Variants in SLAIN2 observed in about 807,000 individuals in gnomAD.
SLAIN2 encodes SLAIN family member 2, also known as SLAIN motif-containing protein 2.
Under a neutral mutation model 56.6 loss-of-function variants are expected in SLAIN2, and 31 were observed. The ratio of observed to expected loss-of-function variants is 0.55; its 90% CI spans 0.41 to 0.74. SLAIN2 has a LOEUF of 0.74. SLAIN2 is among the 30% of genes least tolerant of loss of function. The pLI is 0.00. For missense variants in SLAIN2, 777 were observed against 754.2 expected (o/e 1.03, Z -0.35); for synonymous variants, 317 against 284.9 (o/e 1.11, Z -1.13).
At chr4:48,410,604 A>T (rs1185921579) in intron 6 of SLAIN2, among the ~76,000 whole-genome samples, 3 of 152,158 alleles carry the variant, frequency 2.0e-5, no homozygotes, top group Non-Finnish European at 2.9e-5. Flanking sequence ...AGCTTTCTGC[A>T]GCCCTTCCCT....
chr4:48,383,563 AT>A (rs1716025341), intron 5 of SLAIN2, 83 bp from the exon 6 acceptor site: 5 of 1,230,974 alleles, frequency 4.1e-6, no homozygotes, highest in Admixed American at 2.9e-5. Context: ...TTGATAAACA[AT>A]TTGATTTTTG....
At chr4:48,357,386 T>A (rs967907701) in intron 1 of SLAIN2, among the ~76,000 whole-genome samples, 1 of 149,922 alleles carries the variant, frequency 6.7e-6, no homozygotes, top group African/African-American at 2.4e-5. Flanking sequence ...TTTTTTTTTT[T>A]CCTCCTGTTT....
chr4:48,400,904 T>C (rs1009525943), intron 6 of SLAIN2, among the ~76,000 whole-genome samples: 2 of 152,188 alleles, frequency 1.3e-5, no homozygotes, highest in African/African-American at 2.4e-5. Context: ...TTGAGATCTT[T>C]CTAGCTTTGT....
intron 6 of SLAIN2, among the ~76,000 whole-genome samples, chr4:48,386,346 A>G (rs1716099780): frequency 6.6e-6 from 1 of 152,220 alleles, no homozygotes; most frequent in African/African-American, 2.4e-5. Context: ...CTGATTATAC[A>G]GCTTATAAGC....
Position 48,422,346 on chromosome 4 carries a change from A to C in SLAIN2, c.*269A>C, listed in dbSNP as rs1411353872. 3.3e-6 allele frequency: 1 copy of C among 304,870 alleles called. No individual in the cohort carries two copies. Among genetic ancestry groups the C allele is most frequent in the Non-Finnish European group, 6.0e-6 (1 of 165,456 alleles). 18.9% of individuals were successfully genotyped at this position (304,870 alleles called of 1,614,324 possible). The stretch of plus-strand genomic sequence containing the variant: ...TAGAAACTAGGTTGATTTTTAAAAA[A>C]TATTTGACAGAGGCCAATATCTGGG... On this transcript the variant is annotated 3_prime_UTR_variant, in exon 8 of 8. Transcript: ENST00000264313.
At chr4:48,414,670 C>T (rs1716953191) in intron 6 of SLAIN2, among the ~76,000 whole-genome samples, 1 of 125,158 alleles carries the variant, frequency 8.0e-6, no homozygotes, top group Admixed American at 8.2e-5. Flanking sequence ...AATGTGTCAT[C>T]TAGCATTAGG....
At chr4:48,399,655 C>G (rs1463588540) in intron 6 of SLAIN2, among the ~76,000 whole-genome samples, 1 of 152,034 alleles carries the variant, frequency 6.6e-6, no homozygotes, top group Non-Finnish European at 1.5e-5. Context: ...GTATGTGTCT[C>G]TTTTTATTTT....
chr4:48,419,698 G>A (rs183309396), intron 6 of SLAIN2, among the ~76,000 whole-genome samples: 18 of 152,298 alleles, frequency 1.2e-4, no homozygotes, highest in African/African-American at 3.4e-4. Flanking sequence ...AGAGCCTCCA[G>A]ATACTTGATA....
chr4:48,341,980 T>C lies in SLAIN2; in HGVS notation c.241T>C (p.Ser81Pro). 1 of 1,403,258 alleles carries C rather than the reference T, an allele frequency of 7.1e-7. No individual in the cohort carries two copies. Among genetic ancestry groups the C allele is most frequent in the East Asian group, 3.3e-5 (1 of 30,516 alleles). 86.9% of individuals were successfully genotyped at this position (1,403,258 alleles called of 1,614,324 possible). ...LSAKSGGGPGSGPRRTSSEEL... is the reference protein window; with the variant it reads ...LSAKSGGGPGPGPRRTSSEEL... ...CGCCAAGTCGGGCGGCGGGCCCGGG[T>C]CGGGCCCGAGGCGGACGAGTAGCGA... The change falls in exon 1 of 8, where the codon TCG becomes CCG. Residue 81 changes from serine to proline, a missense_variant. Physicochemically the swap from Ser to Pro is moderately conservative, Grantham distance 74. Coordinates refer to ENST00000264313, the MANE Select transcript of SLAIN2 (RefSeq NM_020846.2).
At chr4:48,343,708 T>C (rs1346232196) in intron 1 of SLAIN2, among the ~76,000 whole-genome samples, 1 of 152,172 alleles carries the variant, frequency 6.6e-6, no homozygotes, top group East Asian at 1.9e-4. Context: ...TCTTGACAGC[T>C]ACAAGAGCAG....
rs1714703982 is a variant in SLAIN2, at chr4:48,341,714, G to T, written c.-26G>T. 2.0e-6 allele frequency: 3 copies of T among 1,524,194 alleles called. No homozygotes were observed. 94.4% of individuals were successfully genotyped at this position (1,524,194 alleles called of 1,614,324 possible). ...TCGCTGCGAGAGCGAGCGGGCGGCG[G>T]AGGCGGCGGCGGCGGCGGGGCCGGG... On this transcript the variant is annotated 5_prime_UTR_variant, in exon 1 of 8. Coordinates refer to ENST00000264313, the MANE Select transcript of SLAIN2 (RefSeq NM_020846.2).
intron 1 of SLAIN2, among the ~76,000 whole-genome samples, chr4:48,348,154 C>T (rs1714919145): frequency 1.3e-5 from 2 of 152,070 alleles, no homozygotes; most frequent in South Asian, 2.1e-4. Flanking sequence ...AACTGTTCAT[C>T]GCTAGACTAA....
intron 6 of SLAIN2, among the ~76,000 whole-genome samples, chr4:48,399,564 G>A (rs1447125292): frequency 1.3e-5 from 2 of 152,152 alleles, no homozygotes; most frequent in Non-Finnish European, 2.9e-5. Flanking sequence ...GTGGGAGAGA[G>A]CATCGTGGTC....
chr4:48,344,815 TGGTATGCTTG>T (rs1714819894), intron 1 of SLAIN2, among the ~76,000 whole-genome samples: 1 of 152,042 alleles, frequency 6.6e-6, no homozygotes, highest in South Asian at 2.1e-4. Flanking sequence ...TTACTACAAG[TGGTATGCTTG>T]GATATTTTCC....
At chr4:48,394,968 C>G (rs763927883) in intron 6 of SLAIN2, among the ~76,000 whole-genome samples, 9 of 152,080 alleles carry the variant, frequency 5.9e-5, no homozygotes, top group Non-Finnish European at 1.0e-4. Context: ...TAAAATGAAC[C>G]AAATGTCAGA....
chr4:48,422,231 C>T lies in SLAIN2; in HGVS notation c.*154C>T, dbSNP rs898510760. ...TTAATTAGCACAAACCGACAGAGATCATCAAACAGCACTTTAATGACATTT... is the reference window on the plus strand; with the variant it reads ...TTAATTAGCACAAACCGACAGAGATTATCAAACAGCACTTTAATGACATTT... On this transcript the variant is annotated 3_prime_UTR_variant, in exon 8 of 8. Coordinates refer to ENST00000264313, the MANE Select transcript of SLAIN2 (RefSeq NM_020846.2). The T allele has an allele frequency of 1.0e-5, 6 of 592,546 alleles. No individual in the cohort carries two copies. The highest frequency in any genetic ancestry group is 1.8e-5 in the Non-Finnish European group (6 of 331,890). The allele number at this position is 592,546 out of a possible 1,614,324, so 36.7% of individuals were successfully genotyped here.
chr4:48,345,952 T>C (rs1434943011), intron 1 of SLAIN2, among the ~76,000 whole-genome samples: 1 of 151,072 alleles, frequency 6.6e-6, no homozygotes, highest in Admixed American at 6.6e-5. Flanking sequence ...GTTCTATCTA[T>C]TATCGTCAGG....
At chr4:48,400,048 A>C (rs1383699375) in intron 6 of SLAIN2, among the ~76,000 whole-genome samples, 1 of 152,004 alleles carries the variant, frequency 6.6e-6, no homozygotes, top group Non-Finnish European at 1.5e-5. Flanking sequence ...TCTCCTTTTC[A>C]ATTGTTTGGA....
Position 48,378,635 on chromosome 4 carries a change from A to G in SLAIN2, c.703+575A>G, listed in dbSNP as rs550551144. Among the ~76,000 whole-genome samples the G allele has an allele frequency of 3.9e-5, 6 of 152,326 alleles. No homozygotes were observed. The South Asian group carries it at 1.2e-3, about 32-fold the overall frequency. ...GCTGAAGCTGTTGTTATGACTGATT[A>G]TTATAACTTCCTTAAAAATTAAGGT... On this transcript the variant is annotated intron_variant, in intron 3 of 7. Transcript: ENST00000264313.
Sources: gnomAD v4.1 joint callset for allele counts (sites outside exome capture counted in the v4.1 genomes callset) on GRCh38, gnomAD v4.1.1 for gene constraint, MANE v1.5 for transcripts, NCBI Gene and HGNC (gene_info 2026-07-23, HGNC 2026-07-21) for gene names.